Variants in LUZP2 observed in about 807,000 individuals in gnomAD.
LUZP2 encodes leucine zipper protein 2.
Under a neutral mutation model 51.6 loss-of-function variants are expected in LUZP2, and 52 were observed. The observed-to-expected ratio is 1.01, with a 90% CI of 0.81 to 1.27. The LOEUF (loss-of-function observed/expected upper bound fraction) is 1.27, where lower values mean the gene tolerates loss of function less well. Among genes scored for constraint, LUZP2 ranks in the 50% most tolerant of loss-of-function variants. The probability of loss-of-function intolerance (pLI) is 0.00; values close to 1 mark genes in which losing one functional copy is unlikely to be tolerated. For synonymous variants in LUZP2, 154 were observed against 137.3 expected (o/e 1.12, Z -0.85); for missense variants, 436 against 395.4 (o/e 1.10, Z -0.87).
intron 5 of LUZP2, among the ~76,000 whole-genome samples, chr11:24,845,828 C>A (rs1851181985): frequency 6.6e-6 from 1 of 152,076 alleles, no homozygotes; most frequent in African/African-American, 2.4e-5. Context: ...ACCTCCCCAG[C>A]CATGTGGAAC....
chr11:24,640,602 A>T (rs1480125062), intron 1 of LUZP2, among the ~76,000 whole-genome samples: 2 of 151,942 alleles, frequency 1.3e-5, no homozygotes. Context: ...TTGGCACATA[A>T]ACTAAACTGT....
At chr11:24,598,557 G>A (rs771952583) in intron 1 of LUZP2, among the ~76,000 whole-genome samples, 3 of 151,942 alleles carry the variant, frequency 2.0e-5, no homozygotes, top group Non-Finnish European at 2.9e-5. Context: ...GAGGAGGGAC[G>A]ATTGTGCAAA....
intron 1 of LUZP2, among the ~76,000 whole-genome samples, chr11:24,593,594 C>T (rs1853329199): frequency 6.6e-6 from 1 of 152,168 alleles, no homozygotes; most frequent in Non-Finnish European, 1.5e-5. Flanking sequence ...AATCACATGT[C>T]CTGGCAACCC....
intron 1 of LUZP2, among the ~76,000 whole-genome samples, chr11:24,518,463 G>GT (rs1184874211): frequency 6.6e-6 from 1 of 152,090 alleles, no homozygotes; most frequent in Non-Finnish European, 1.5e-5. Context: ...TATCCTTTCT[G>GT]TAAGTGTTAA....
At chr11:24,858,846 T>C (rs1038301321) in intron 5 of LUZP2, among the ~76,000 whole-genome samples, 6 of 152,174 alleles carry the variant, frequency 3.9e-5, no homozygotes, top group African/African-American at 1.2e-4. Flanking sequence ...TGCCAAAATC[T>C]GCATATTTAT....
Position 25,077,391 on chromosome 11 carries a change from C to T in LUZP2, c.921C>T (p.Thr307=), listed in dbSNP as rs767507553. ...ESPPSNATAE[T]EPIPQKLQMP... is the part of the protein sequence containing the mutation. The stretch of plus-strand genomic sequence containing the variant: ...CCCCAAGTAATGCCACTGCAGAAAC[C>T]GAGCCTATCCCACAGGTATGTGTTT... The change falls in exon 11 of 12, where the codon ACC becomes ACT. Residue 307 remains threonine, a synonymous_variant. Transcript: ENST00000336930. 49 of 1,610,568 alleles carry T rather than the reference C, an allele frequency of 3.0e-5. 1 individual carries two copies. The Middle Eastern group carries it at 1.3e-3, about 43-fold the overall frequency.
At position 24,750,848 on chromosome 11, in the gene LUZP2, A is replaced by T. The variant is rs139776080; in HGVS notation, c.334-12398A>T. ...CTGTCAACCAAGAAAAAGATAAGTGACATATACTAATCTTGTGCATGATAT... is the reference window on the plus strand; with the variant it reads ...CTGTCAACCAAGAAAAAGATAAGTGTCATATACTAATCTTGTGCATGATAT... On this transcript the variant is annotated intron_variant, in intron 4 of 11. Transcript: ENST00000336930. 1.7e-3 allele frequency among the ~76,000 whole-genome samples: 263 copies of T among 152,306 alleles called. 2 individuals carry two copies. Among genetic ancestry groups the T allele is most frequent in the Admixed American group, 4.3e-3 (66 of 15,290 alleles).
chr11:24,587,711 T>C (rs1205572013), intron 1 of LUZP2, among the ~76,000 whole-genome samples: 3 of 152,112 alleles, frequency 2.0e-5, no homozygotes, highest in African/African-American at 7.2e-5. Flanking sequence ...AGCACTGGGA[T>C]TAATATTGGA....
chr11:24,881,879 T>A (rs1241106011), intron 5 of LUZP2, among the ~76,000 whole-genome samples: 1 of 151,196 alleles, frequency 6.6e-6, no homozygotes, highest in African/African-American at 2.4e-5. Context: ...AATATGTGCA[T>A]ATAAAATCAT....
chr11:24,729,544 G>A (rs985937353), intron 2 of LUZP2, among the ~76,000 whole-genome samples: 1 of 151,844 alleles, frequency 6.6e-6, no homozygotes, highest in Non-Finnish European at 1.5e-5. Context: ...AGATCAGTTT[G>A]ACCCCTGTGT....
intron 1 of LUZP2, among the ~76,000 whole-genome samples, chr11:24,550,510 G>A (rs989770419): frequency 2.6e-5 from 4 of 152,016 alleles, no homozygotes; most frequent in African/African-American, 9.7e-5. Flanking sequence ...GTATTTGAAT[G>A]TAAACCAGAT....
intron 5 of LUZP2, among the ~76,000 whole-genome samples, chr11:24,888,090 C>T (rs996606362): frequency 6.6e-6 from 1 of 152,086 alleles, no homozygotes; most frequent in African/African-American, 2.4e-5. Context: ...TTAAATGGTC[C>T]CAGATCATTA....
At chr11:24,642,153 A>G (rs988334000) in intron 1 of LUZP2, among the ~76,000 whole-genome samples, 8 of 151,928 alleles carry the variant, frequency 5.3e-5, no homozygotes, top group Admixed American at 3.3e-4. Context: ...CTCCAAAAGT[A>G]CTGGGATTAC....
chr11:24,932,746 G>C (rs1854492146), intron 7 of LUZP2, among the ~76,000 whole-genome samples: 1 of 152,138 alleles, frequency 6.6e-6, no homozygotes, highest in Admixed American at 6.5e-5. Context: ...AAAGGCAATT[G>C]GGTTTTCAGG....
chr11:25,043,655 A>G (rs1410683865), intron 9 of LUZP2, among the ~76,000 whole-genome samples: 2 of 150,620 alleles, frequency 1.3e-5, no homozygotes, highest in Non-Finnish European at 3.0e-5. Flanking sequence ...TCATTTTCCT[A>G]GCTCTTGATT....
At chr11:24,803,487 C>G (rs1849754826) in intron 5 of LUZP2, among the ~76,000 whole-genome samples, 1 of 151,930 alleles carries the variant, frequency 6.6e-6, no homozygotes, top group African/African-American at 2.4e-5. Context: ...CCAAATGATC[C>G]AAATTTTCTG....
intron 7 of LUZP2, among the ~76,000 whole-genome samples, chr11:24,919,245 AAT>A (rs1853925025): frequency 9.9e-6 from 1 of 100,578 alleles, no homozygotes; most frequent in African/African-American, 3.9e-5. Flanking sequence ...ATATATTGAT[AAT>A]ATATGTTATA....
chr11:24,698,047 C>G (rs1039609441), intron 1 of LUZP2, among the ~76,000 whole-genome samples: 2 of 152,088 alleles, frequency 1.3e-5, no homozygotes, highest in African/African-American at 2.4e-5. Context: ...CCAAATTGTC[C>G]TTAAAAAATC....
At chr11:24,720,116 A>G (rs1366681323) in intron 1 of LUZP2, among the ~76,000 whole-genome samples, 1 of 152,220 alleles carries the variant, frequency 6.6e-6, no homozygotes, top group Non-Finnish European at 1.5e-5. Flanking sequence ...GTATTTACGT[A>G]TCTATTAAAA....
Sources: allele counts gnomAD v4.1 joint callset (sites outside exome capture counted in the v4.1 genomes callset), GRCh38; gene constraint gnomAD v4.1.1; transcripts MANE v1.5; gene names NCBI Gene and HGNC (gene_info 2026-07-23, HGNC 2026-07-21).